Variants in FBXO32 observed in about 807,000 individuals in gnomAD.
FBXO32 encodes the protein F-box only protein 32.
In FBXO32, 15 loss-of-function variants were observed where a neutral mutation model predicts 48.3. The ratio of observed to expected loss-of-function variants is 0.31; its 90% CI spans 0.21 to 0.48. FBXO32 has a LOEUF of 0.48. Among genes scored for constraint, FBXO32 ranks in the 20% least tolerant of loss-of-function variants. The pLI is 0.99. For synonymous variants in FBXO32, 154 were observed against 165.9 expected, an observed-to-expected ratio of 0.93 and a Z score of 0.55; for missense variants, 309 against 432.7, an observed-to-expected ratio of 0.71 and a Z score of 2.54.
chr8:123,527,726 T>A (rs1378205498), intron 4 of FBXO32, among the ~76,000 whole-genome samples: 1 of 152,220 alleles, frequency 6.6e-6, no homozygotes, highest in Non-Finnish European at 1.5e-5. Context: ...GAAATTTATA[T>A]AACACTTTCA....
chr8:123,529,529 T>C (rs745524176), intron 4 of FBXO32, among the ~76,000 whole-genome samples: 4 of 152,162 alleles, frequency 2.6e-5, no homozygotes, highest in Non-Finnish European at 4.4e-5. Context: ...AACCATGTCT[T>C]AGGGAGGTTG....
chr8:123,507,438 G>GGTGTGTGTGT lies in FBXO32; in HGVS notation c.652-874_652-865dup, dbSNP rs200031056. Among the ~76,000 whole-genome samples, 477 of 139,876 alleles carry GGTGTGTGTGT rather than the reference G, an allele frequency of 3.4e-3. 1 individual carries two copies. The highest frequency in any genetic ancestry group is 0.013 in the East Asian group (58 of 4,584). 91.8% of individuals were successfully genotyped at this position (139,876 alleles called of 152,430 possible). A position where few individuals can be genotyped will look rare whatever the true frequency, so the allele number is the denominator to read the frequency against. ...CAATAACACAGAGACTCTGTGCTAG[G>GGTGTGTGTGT]GTGTGTGTGTGTGTGTGTGTGTGTG... On this transcript the variant is annotated intron_variant, in intron 6 of 8. Transcript: ENST00000517956.
rs1256094670 is a variant in FBXO32 at position 123,500,112 on chromosome 8, A to G, written c.*3261T>C. The G allele has an allele frequency of 1.3e-5, 2 of 152,152 alleles. No individual in the cohort carries two copies. The highest frequency in any genetic ancestry group is 2.9e-5 in the Non-Finnish European group (2 of 68,038). The allele number at this position is 152,152 out of a possible 1,614,324, so 9.4% of individuals were successfully genotyped here. On this transcript the variant is annotated 3_prime_UTR_variant, in exon 9 of 9. Transcript: ENST00000517956. ...CTCAAAGTAACAGCATTGAGTGATA[A>G]TGCAATCTAGTTTAAAATGCCATTG...
At chr8:123,539,316 T>C (rs1255892578) in intron 1 of FBXO32, among the ~76,000 whole-genome samples, 1 of 152,070 alleles carries the variant, frequency 6.6e-6, no homozygotes, top group African/African-American at 2.4e-5. Flanking sequence ...TACCAACATA[T>C]TAGATCATTG....
chr8:123,517,934 A>G (rs900436775), intron 4 of FBXO32, among the ~76,000 whole-genome samples: 2 of 152,236 alleles, frequency 1.3e-5, no homozygotes, highest in Non-Finnish European at 2.9e-5. Context: ...CTTTTTCTGC[A>G]AAGTGCCAAA....
At chr8:123,508,174 A>T (rs1327782321) in intron 6 of FBXO32, among the ~76,000 whole-genome samples, 4 of 152,194 alleles carry the variant, frequency 2.6e-5, no homozygotes, top group African/African-American at 9.6e-5. Flanking sequence ...TCCTTAGCTC[A>T]GGGGAAAATA....
intron 6 of FBXO32, among the ~76,000 whole-genome samples, chr8:123,508,200 T>C (rs1174734392): frequency 2.6e-5 from 4 of 152,116 alleles, no homozygotes; most frequent in African/African-American, 7.2e-5. Context: ...AGAATGGGTA[T>C]CAATTTCCCT....
At chr8:123,533,529 C>T (rs1452068178) in intron 2 of FBXO32, among the ~76,000 whole-genome samples, 2 of 152,112 alleles carry the variant, frequency 1.3e-5, no homozygotes, top group African/African-American at 4.8e-5. Flanking sequence ...AATTACAGGC[C>T]AGATGCAGTG....
intron 1 of FBXO32, among the ~76,000 whole-genome samples, chr8:123,535,804 A>C (rs1817298074): frequency 6.7e-6 from 1 of 149,398 alleles, no homozygotes; most frequent in Non-Finnish European, 1.5e-5. Flanking sequence ...TTATAATGCC[A>C]ACTGGTAAAA....
chr8:123,533,802 C>T (rs114160813), intron 2 of FBXO32, among the ~76,000 whole-genome samples: 2,725 of 150,114 alleles, frequency 0.018, 80 homozygotes, highest in African/African-American at 0.061. Flanking sequence ...AGCGAGACTC[C>T]GTCCCCCCGC....
intron 4 of FBXO32, among the ~76,000 whole-genome samples, chr8:123,530,012 C>T (rs1030428163): frequency 6.6e-6 from 1 of 152,160 alleles, no homozygotes; most frequent in Non-Finnish European, 1.5e-5. Context: ...GGCCCATTTC[C>T]AACCAGCCTA....
intron 4 of FBXO32, among the ~76,000 whole-genome samples, chr8:123,514,743 C>T (rs1411617479): frequency 6.6e-6 from 1 of 152,236 alleles, no homozygotes; most frequent in African/African-American, 2.4e-5. Flanking sequence ...GCACTGACTG[C>T]TCTCAAGGCA....
intron 1 of FBXO32, among the ~76,000 whole-genome samples, chr8:123,536,891 G>T (rs1817318298): frequency 6.6e-6 from 1 of 152,128 alleles, no homozygotes; most frequent in African/African-American, 2.4e-5. Flanking sequence ...ACAATAACCT[G>T]CTTTAAGCCT....
rs1190354309 is a variant in FBXO32, at chr8:123,525,461, C to T, written c.372+6437G>A. Among the ~76,000 whole-genome samples the T allele has an allele frequency of 1.3e-5, 2 of 152,192 alleles. No individual in the cohort carries two copies. Among genetic ancestry groups the T allele is most frequent in the East Asian group, 3.8e-4 (2 of 5,200 alleles). ...TAGACTTGGGCTTATTCTCATTCTA[C>T]AGAGAGAGCTAGGAGTAATCAGATC... On this transcript the variant is annotated intron_variant, in intron 4 of 8. Transcript: ENST00000517956. This position sits in a 1 kb window ranked among gnomAD's most constrained non-coding sequence, Gnocchi z 4.3.
In FBXO32 at chr8:123,506,722, C is replaced by G. The variant is rs1320282609; in HGVS notation, c.652-148G>C. On this transcript the variant is annotated intron_variant, in intron 6 of 8. Transcript: ENST00000517956. This position sits in a 1 kb window ranked among gnomAD's most constrained non-coding sequence, Gnocchi z 4.0. ...GAAAGCAGTAGTAAATCTCCCCATC[C>G]TAAATGCAGACAGGAGACCATGGCC... The G allele has an allele frequency of 4.6e-6, 3 of 651,972 alleles. No individual in the cohort carries two copies. The allele number at this position is 651,972 out of a possible 1,614,324, so 40.4% of individuals were successfully genotyped here. A position where few individuals can be genotyped will look rare whatever the true frequency, so the allele number is the denominator to read the frequency against.
chr8:123,510,409 C>T (rs1195744238), intron 6 of FBXO32, among the ~76,000 whole-genome samples: 5 of 152,014 alleles, frequency 3.3e-5, no homozygotes, highest in East Asian at 1.9e-4. Flanking sequence ...GTCAGGAGTT[C>T]GAGACCAGCC....
At chr8:123,533,786 C>T (rs560669750) in intron 2 of FBXO32, among the ~76,000 whole-genome samples, 5 of 151,156 alleles carry the variant, frequency 3.3e-5, no homozygotes, top group East Asian at 2.0e-4. Flanking sequence ...CCAGCCTGGG[C>T]GACAGAGCGA....
At position 123,514,340 on chromosome 8, in the gene FBXO32, A is replaced by G; in HGVS notation, c.373-7T>C. 1 of 1,607,918 alleles carries G rather than the reference A, an allele frequency of 6.2e-7. No individual in the cohort carries two copies. Among genetic ancestry groups the G allele is most frequent in the Non-Finnish European group, 8.5e-7 (1 of 1,176,816 alleles). On this transcript the variant is annotated splice_region_variant and splice_polypyrimidine_tract_variant and intron_variant, in intron 4 of 8. Transcript: ENST00000517956. Reference sequence around the variant, plus strand: ...TTGCTATCAGCTCCAACAGCTGAGGATAAAAATAGAAGTTGCCAGGCTTAG... The same window carrying G: ...TTGCTATCAGCTCCAACAGCTGAGGGTAAAAATAGAAGTTGCCAGGCTTAG...
intron 8 of FBXO32, 115 bp from the exon 9 acceptor site, chr8:123,503,577 C>T (rs895975781): frequency 5.6e-6 from 4 of 716,508 alleles, no homozygotes; most frequent in African/African-American, 3.6e-5. Flanking sequence ...ATGCCCCAGG[C>T]CTAAATGTTG....
Sources: gnomAD v4.1 joint callset for allele counts (sites outside exome capture counted in the v4.1 genomes callset) on GRCh38, gnomAD v4.1.1 for gene constraint, Gnocchi (gnomAD v3.1) non-coding constraint, MANE v1.5 for transcripts, NCBI Gene and HGNC (gene_info 2026-07-23, HGNC 2026-07-21) for gene names.